CPLX2: variants seen among roughly 807,000 people sequenced by gnomAD.
The protein encoded by CPLX2 is complexin-2.
CPLX2 carries 5 observed loss-of-function variants against 16.3 expected under a neutral mutation model. That is an observed-to-expected ratio of 0.31 (90% confidence interval 0.16 to 0.64). The LOEUF (loss-of-function observed/expected upper bound fraction) is 0.64. Among genes scored for constraint, CPLX2 ranks in the 30% least tolerant of loss-of-function variants. The probability of loss-of-function intolerance (pLI) is 0.79; values close to 1 mark genes in which losing one functional copy is unlikely to be tolerated. For missense variants in CPLX2, 144 were observed against 181.4 expected, an observed-to-expected ratio of 0.79 and a Z score of 1.18; for synonymous variants, 89 against 73.2, an observed-to-expected ratio of 1.22 and a Z score of -1.10.
rs1050403873 is a variant in CPLX2 at position 175,872,578 on chromosome 5, G to A, written c.-89+873G>A. Among the ~76,000 whole-genome samples, 3 of 152,052 alleles carry A rather than the reference G, an allele frequency of 2.0e-5. No individual in the cohort carries two copies. Among genetic ancestry groups the A allele is most frequent in the Non-Finnish European group, 4.4e-5 (3 of 67,998 alleles). On this transcript the variant is annotated intron_variant, in intron 1 of 3. Coordinates refer to ENST00000393745, the MANE Select transcript of CPLX2 (RefSeq NM_001008220.2). This position sits in a 1 kb window ranked among gnomAD's most constrained non-coding sequence, Gnocchi z 5.0. ...GGGGTTCCTGTCCTCTCTTCTGGCC[G>A]GGAAACGGGAACCCCCGGCCACTTC... is the stretch of plus-strand genomic sequence containing the variant.
At chr5:175,801,172 A>AAAAC (rs1554117481) in intron 1 of CPLX2, among the ~76,000 whole-genome samples, 43 of 151,732 alleles carry the variant, frequency 2.8e-4, no homozygotes, top group African/African-American at 9.9e-4. Flanking sequence ...AAAAAAAAAA[A>AAAAC]AAAACTGGGT....
intron 2 of CPLX2, among the ~76,000 whole-genome samples, chr5:175,834,915 T>C (rs1323446689): frequency 2.0e-5 from 3 of 152,042 alleles, no homozygotes; most frequent in Non-Finnish European, 4.4e-5. Context: ...ACGAAAGTTT[T>C]GTGGAAGCAA....
At chr5:175,799,575 T>G (rs1313302991) in intron 1 of CPLX2, among the ~76,000 whole-genome samples, 1 of 143,458 alleles carries the variant, frequency 7.0e-6, no homozygotes, top group Non-Finnish European at 1.5e-5. Context: ...TATATATATA[T>G]AGTAATCACA....
In CPLX2 at chr5:175,801,161, T is replaced by TAAAAAAA. The variant is rs3051187; in HGVS notation, c.-169+4386_-169+4392dup. Among the ~76,000 whole-genome samples, 330 of 140,938 alleles carry TAAAAAAA rather than the reference T, an allele frequency of 2.3e-3. 2 individuals carry two copies. Among genetic ancestry groups the TAAAAAAA allele is most frequent in the Middle Eastern group, 3.7e-3 (1 of 272 alleles). The allele number at this position is 140,938 out of a possible 152,430, so 92.5% of individuals were successfully genotyped here. A position where few individuals can be genotyped will look rare whatever the true frequency, so the allele number is the denominator to read the frequency against. On this transcript the variant is annotated intron_variant, in intron 1 of 4. Transcript: ENST00000359546. ...CAGATGGCTTTAAGCAGAGGAGTGTTAAAAAAAAAAAAAAACTGGGTTTTA... is the reference window on the plus strand; with the variant it reads ...CAGATGGCTTTAAGCAGAGGAGTGTTAAAAAAAAAAAAAAAAAAAAAACTGGGTTTTA...
In CPLX2 at chr5:175,830,389, A is replaced by G. The variant is rs970961058; in HGVS notation, c.-89+21321A>G. On this transcript the variant is annotated intron_variant, in intron 2 of 4. Coordinates refer to the CPLX2 transcript ENST00000359546. This position sits in a 1 kb window ranked among gnomAD's most constrained non-coding sequence, Gnocchi z 4.0. ...CAGGGTTACACAGCCAGGGAGCAGC[A>G]GAGCCCAGGTATGAACCATCATGCC... 5.3e-5 allele frequency among the ~76,000 whole-genome samples: 8 copies of G among 152,348 alleles called. No homozygotes were observed. Among genetic ancestry groups the G allele is most frequent in the South Asian group, 2.1e-4 (1 of 4,834 alleles).
chr5:175,822,861 C>T (rs544459587), intron 2 of CPLX2, among the ~76,000 whole-genome samples: 46 of 152,340 alleles, frequency 3.0e-4, no homozygotes, highest in African/African-American at 9.9e-4. Flanking sequence ...TGGGATCCTC[C>T]CACCCAACCC....
chr5:175,818,649 C>CGTTT, intron 2 of CPLX2, among the ~76,000 whole-genome samples: 2 of 91,106 alleles, frequency 2.2e-5, no homozygotes, highest in Middle Eastern at 8.8e-3. Context: ...GCTGTCCCAA[C>CGTTT]CTTTTTTTTT....
At chr5:175,797,041 G>GCAGCGGCGGA (rs1366601339) in intron 1 of CPLX2, among the ~76,000 whole-genome samples, 1 of 152,302 alleles carries the variant, frequency 6.6e-6, no homozygotes, top group East Asian at 1.9e-4. Context: ...GGTCAGCACT[G>GCAGCGGCGGA]CAGCGGCGGA....
At chr5:175,822,900 A>T (rs1345470042) in intron 2 of CPLX2, among the ~76,000 whole-genome samples, 1 of 152,242 alleles carries the variant, frequency 6.6e-6, no homozygotes, top group African/African-American at 2.4e-5. Flanking sequence ...AAAGGGGAAC[A>T]TCTTCCCAGA....
chr5:175,873,781 CACT>C (rs1239915105), intron 1 of CPLX2, among the ~76,000 whole-genome samples: 1 of 152,206 alleles, frequency 6.6e-6, no homozygotes, highest in Non-Finnish European at 1.5e-5. Flanking sequence ...ATTCAATGCT[CACT>C]ACAAGCCTTG....
In CPLX2 at chr5:175,882,067, G is replaced by A. The variant is rs1755625631; in HGVS notation, c.*2022G>A. The A allele has an allele frequency of 6.6e-6, 1 of 152,586 alleles. No homozygotes were observed. Among genetic ancestry groups the A allele is most frequent in the African/African-American group, 2.4e-5 (1 of 41,426 alleles). The allele number at this position is 152,586 out of a possible 1,614,324, so 9.5% of individuals were successfully genotyped here. ...AAGTCCCCTGGTCTGTCCCTTCTTT[G>A]GGGAGCAGGGCCTCGACAGCTCCAG... On this transcript the variant is annotated 3_prime_UTR_variant, in exon 4 of 4. Transcript: ENST00000393745.
intron 2 of CPLX2, among the ~76,000 whole-genome samples, chr5:175,847,227 C>T (rs996953248): frequency 6.6e-6 from 1 of 152,188 alleles, no homozygotes; most frequent in Middle Eastern, 3.2e-3. Flanking sequence ...CTTCTGGCAG[C>T]ACAGACCAGG....
intron 2 of CPLX2, among the ~76,000 whole-genome samples, chr5:175,820,355 G>T (rs1245838973): frequency 6.6e-6 from 1 of 152,212 alleles, no homozygotes; most frequent in Admixed American, 6.5e-5. Flanking sequence ...GGGGCTCCGT[G>T]TTCTGCCCAG....
chr5:175,808,580 G>A lies in CPLX2; in HGVS notation c.-168-409G>A, dbSNP rs73803054. Among the ~76,000 whole-genome samples, 677 of 152,256 alleles carry A rather than the reference G, an allele frequency of 4.4e-3. 3 individuals carry two copies. Among genetic ancestry groups the A allele is most frequent in the African/African-American group, 0.016 (646 of 41,566 alleles). ...GTAGTATTAGGCATCCCATTTTACAGATGAGGACACTGAGGCTCAGAGAGG... is the reference window on the plus strand; with the variant it reads ...GTAGTATTAGGCATCCCATTTTACAAATGAGGACACTGAGGCTCAGAGAGG... On this transcript the variant is annotated intron_variant, in intron 1 of 4. Coordinates refer to the CPLX2 transcript ENST00000359546.
intron 2 of CPLX2, among the ~76,000 whole-genome samples, chr5:175,843,967 C>T (rs1044917434): frequency 6.6e-6 from 1 of 152,268 alleles, no homozygotes; most frequent in African/African-American, 2.4e-5. Context: ...GATTCACTGC[C>T]TCCTCATTTG....
chr5:175,869,914 A>G (rs1248760562), upstream of CPLX2, among the ~76,000 whole-genome samples: 1 of 152,248 alleles, frequency 6.6e-6, no homozygotes, highest in Non-Finnish European at 1.5e-5. Context: ...AAAAACTCCA[A>G]TTGTAACCAG....
chr5:175,856,206 A>G (rs955083899), intron 2 of CPLX2, among the ~76,000 whole-genome samples: 1 of 152,220 alleles, frequency 6.6e-6, no homozygotes, highest in Non-Finnish European at 1.5e-5. Flanking sequence ...TAACAATAGT[A>G]CTTACCTCAT....
chr5:175,864,572 G>A (rs1006426123), intron 2 of CPLX2, among the ~76,000 whole-genome samples: 1 of 152,226 alleles, frequency 6.6e-6, no homozygotes, highest in African/African-American at 2.4e-5. Flanking sequence ...TCTGGAGAGT[G>A]TGAACTGGTC....
Position 175,881,805 on chromosome 5 carries a change from C to T in CPLX2, c.*1760C>T, listed in dbSNP as rs1210144565. On this transcript the variant is annotated 3_prime_UTR_variant, in exon 4 of 4. Transcript: ENST00000393745. ...CCCAGGAAGCCATGCTGGGCCCCCG[C>T]CAGGGCCTATCCCAAAAGCAGGGGC... is the stretch of plus-strand genomic sequence containing the variant. The T allele has an allele frequency of 6.5e-6, 1 of 152,692 alleles. No individual in the cohort carries two copies. Among genetic ancestry groups the T allele is most frequent in the Non-Finnish European group, 1.5e-5 (1 of 68,060 alleles). 9.5% of individuals were successfully genotyped at this position (152,692 alleles called of 1,614,324 possible). A position where few individuals can be genotyped will look rare whatever the true frequency, so the allele number is the denominator to read the frequency against.
Sources: gnomAD v4.1 joint callset for allele counts (sites outside exome capture counted in the v4.1 genomes callset) on GRCh38, gnomAD v4.1.1 for gene constraint, Gnocchi (gnomAD v3.1) non-coding constraint, MANE v1.5 for transcripts, NCBI Gene and HGNC (gene_info 2026-07-23, HGNC 2026-07-21) for gene names.